Variants in WWC2 observed in about 807,000 individuals in gnomAD.
WWC2 encodes the protein WW and C2 domain containing 2, also known as protein WWC2.
Under a neutral mutation model 138.5 loss-of-function variants are expected in WWC2, and 101 were observed. The observed-to-expected ratio is 0.73, with a 90% CI of 0.62 to 0.86. The LOEUF (loss-of-function observed/expected upper bound fraction) is 0.86, where lower values mean the gene tolerates loss of function less well. Ranked by LOEUF, WWC2 falls within the 40% of genes least tolerant of loss-of-function variation. The probability of loss-of-function intolerance (pLI) is 0.00; values close to 1 mark genes in which losing one functional copy is unlikely to be tolerated. For missense variants in WWC2, 1,420 were observed against 1,419.4 expected (o/e 1.00, Z -0.01); for synonymous variants, 558 against 538.4 (o/e 1.04, Z -0.50).
intron 5 of WWC2, among the ~76,000 whole-genome samples, 166 bp from the exon 6 acceptor site, chr4:183,245,245 AAAAAG>A (rs1276667120): frequency 2.0e-5 from 3 of 150,520 alleles, no homozygotes; most frequent in Non-Finnish European, 4.4e-5. Flanking sequence ...AAAAAAAAAA[AAAAAG>A]AGAGAGAAAG....
intron 20 of WWC2, among the ~76,000 whole-genome samples, chr4:183,287,918 A>G (rs1738310198): frequency 6.6e-6 from 1 of 152,226 alleles, no homozygotes; most frequent in Non-Finnish European, 1.5e-5. Flanking sequence ...GAAACTGGCC[A>G]ACCCTACAAG....
At chr4:183,193,522 G>T in intron 1 of WWC2, 77 bp from the exon 2 acceptor site, 1 of 1,242,882 alleles carries the variant, frequency 8.0e-7, no homozygotes, top group Non-Finnish European at 1.2e-6. Flanking sequence ...CTAGACACTT[G>T]TGGTTAGGGT....
chr4:183,110,727 C>T (rs1732204909), intron 1 of WWC2, among the ~76,000 whole-genome samples: 1 of 152,180 alleles, frequency 6.6e-6, no homozygotes, highest in Non-Finnish European at 1.5e-5. Flanking sequence ...ACAATAATCA[C>T]TTTTAACTAA....
chr4:183,104,686 C>G (rs1743294394), intron 1 of WWC2, among the ~76,000 whole-genome samples: 1 of 152,022 alleles, frequency 6.6e-6, no homozygotes, highest in South Asian at 2.1e-4. Context: ...AAAAATCACT[C>G]TAGGAAGCAC....
chr4:183,126,380 G>A (rs1434982153), intron 1 of WWC2, among the ~76,000 whole-genome samples: 1 of 152,176 alleles, frequency 6.6e-6, no homozygotes, highest in African/African-American at 2.4e-5. Context: ...TGCCAGAGAA[G>A]GTTATCAGAT....
At chr4:183,244,989 A>G (rs1736725991) in intron 5 of WWC2, among the ~76,000 whole-genome samples, 1 of 152,030 alleles carries the variant, frequency 6.6e-6, no homozygotes, top group South Asian at 2.1e-4. Context: ...TTAAAAGAGA[A>G]AGGAGGGGCT....
At chr4:183,135,323 C>T (rs1342770199) in intron 1 of WWC2, among the ~76,000 whole-genome samples, 1 of 151,800 alleles carries the variant, frequency 6.6e-6, no homozygotes, top group Non-Finnish European at 1.5e-5. Context: ...TTTCCCCTGC[C>T]TTTTCTTCCT....
chr4:183,228,435 A>T (rs1033373519), intron 4 of WWC2, among the ~76,000 whole-genome samples: 1 of 152,110 alleles, frequency 6.6e-6, no homozygotes, highest in Non-Finnish European at 1.5e-5. Flanking sequence ...TAATGTATAC[A>T]ACATGGAGCC....
At chr4:183,105,831 A>C (rs1181794959) in intron 1 of WWC2, among the ~76,000 whole-genome samples, 1 of 151,842 alleles carries the variant, frequency 6.6e-6, no homozygotes, top group Non-Finnish European at 1.5e-5. Context: ...CGGAGCTTGC[A>C]GTGAGCAGAC....
intron 1 of WWC2, among the ~76,000 whole-genome samples, chr4:183,107,003 A>C (rs1420624847): frequency 3.3e-5 from 5 of 152,154 alleles, no homozygotes; most frequent in African/African-American, 1.2e-4. Context: ...GGGGACTGCT[A>C]GACTGTTTAC....
intron 20 of WWC2, among the ~76,000 whole-genome samples, chr4:183,288,107 T>A (rs1185319480): frequency 1.3e-5 from 2 of 152,182 alleles, no homozygotes; most frequent in Middle Eastern, 3.2e-3. Context: ...GTAATGCATT[T>A]GTAGAGAGGA....
intron 21 of WWC2, among the ~76,000 whole-genome samples, chr4:183,297,357 A>G (rs1247173356): frequency 1.3e-5 from 2 of 152,096 alleles, no homozygotes; most frequent in Non-Finnish European, 2.9e-5. Flanking sequence ...AATGAGGGAA[A>G]GAAGATCCTA....
chr4:183,164,268 A>G (rs1734041962), intron 1 of WWC2, among the ~76,000 whole-genome samples: 1 of 62 alleles, frequency 0.016, no homozygotes, highest in Non-Finnish European at 0.062. Flanking sequence ...GTGTGCGCAT[A>G]TATATATATA....
At chr4:183,209,981 T>C (rs1735551933) in intron 4 of WWC2, among the ~76,000 whole-genome samples, 1 of 152,230 alleles carries the variant, frequency 6.6e-6, no homozygotes, top group African/African-American at 2.4e-5. Context: ...TTGAACTTCC[T>C]AAGACTGGAT....
chr4:183,223,799 C>T (rs940669323), intron 4 of WWC2, among the ~76,000 whole-genome samples: 18 of 152,146 alleles, frequency 1.2e-4, no homozygotes, highest in African/African-American at 3.9e-4. Flanking sequence ...GCGGCAATCT[C>T]GGCTCACTGC....
intron 22 of WWC2, 113 bp from the exon 23 acceptor site, chr4:183,315,550 A>G (rs1039395545): frequency 2.8e-6 from 2 of 704,344 alleles, no homozygotes; most frequent in Non-Finnish European, 4.7e-6. Context: ...AAGAGCTTCT[A>G]CCTGTGCTTG....
At chr4:183,222,658 A>G (rs148302867) in intron 4 of WWC2, among the ~76,000 whole-genome samples, 199 of 152,294 alleles carry the variant, frequency 1.3e-3, no homozygotes, top group African/African-American at 4.4e-3. Context: ...TACTAGAACA[A>G]ATTTACCTTA....
chr4:183,238,040 T>G (rs1213011434), intron 4 of WWC2, among the ~76,000 whole-genome samples: 5 of 152,216 alleles, frequency 3.3e-5, no homozygotes, highest in Non-Finnish European at 5.9e-5. Context: ...AATAATATCT[T>G]TATGCCAGTG....
chr4:183,183,666 T>C (rs1410437076), intron 1 of WWC2, among the ~76,000 whole-genome samples: 7 of 152,024 alleles, frequency 4.6e-5, no homozygotes, highest in Admixed American at 6.6e-5. Context: ...CAGTTCTAGC[T>C]CCTTGGGAGG....
Sources: gnomAD v4.1 joint callset for allele counts (sites outside exome capture counted in the v4.1 genomes callset) on GRCh38, gnomAD v4.1.1 for gene constraint, MANE v1.5 for transcripts, NCBI Gene and HGNC (gene_info 2026-07-23, HGNC 2026-07-21) for gene names.